The following BCL2 variants were observed in gnomAD, a reference collection of about 807,000 sequenced individuals.
BCL2 encodes the protein apoptosis regulator Bcl-2.
In BCL2, 1 loss-of-function variant was observed where a neutral mutation model predicts 14.2. The observed-to-expected ratio is 0.07, with a 90% CI of 0.02 to 0.33. The LOEUF (loss-of-function observed/expected upper bound fraction) is 0.33, where lower values mean the gene tolerates loss of function less well. BCL2 is among the 10% of genes least tolerant of loss of function. BCL2 has a pLI of 0.99. For missense variants in BCL2, 247 were observed against 305.9 expected (o/e 0.81, Z 1.44); for synonymous variants, 151 against 137.2 (o/e 1.10, Z -0.70).
intron 2 of BCL2, among the ~76,000 whole-genome samples, chr18:63,268,600 C>T (rs959604602): frequency 6.6e-6 from 1 of 152,190 alleles, no homozygotes; most frequent in African/African-American, 2.4e-5. Context: ...TAGTTCTGAG[C>T]AAGGGTTTAC....
At chr18:63,255,448 A>T (rs1911443609) in intron 2 of BCL2, among the ~76,000 whole-genome samples, 2 of 152,170 alleles carry the variant, frequency 1.3e-5, no homozygotes, top group Non-Finnish European at 2.9e-5. Context: ...GACTGTCTAC[A>T]CTTCTAATTG....
At chr18:63,211,725 C>G (rs1176407530) in intron 2 of BCL2, among the ~76,000 whole-genome samples, 1 of 152,168 alleles carries the variant, frequency 6.6e-6, no homozygotes, top group African/African-American at 2.4e-5. Flanking sequence ...ACAGCAAATA[C>G]CATTGGACTT....
intron 2 of BCL2, among the ~76,000 whole-genome samples, chr18:63,196,117 T>G (rs1909438096): frequency 6.6e-6 from 1 of 152,186 alleles, no homozygotes; most frequent in Admixed American, 6.5e-5. Flanking sequence ...CTTGGAGACC[T>G]AAGCTCCTTG....
At chr18:63,169,104 T>C (rs1915119805) in intron 2 of BCL2, among the ~76,000 whole-genome samples, 1 of 152,206 alleles carries the variant, frequency 6.6e-6, no homozygotes, top group African/African-American at 2.4e-5. Context: ...TTCCCAGCAC[T>C]ACAGGCACAG....
intron 2 of BCL2, among the ~76,000 whole-genome samples, chr18:63,281,666 CAGAAA>C (rs1912312654): frequency 1.1e-5 from 1 of 88,280 alleles, no homozygotes; most frequent in Non-Finnish European, 2.2e-5. Flanking sequence ...GACCTTGTCT[CAGAAA>C]GAAAGAAAGA....
chr18:63,209,550 C>G (rs73473319), intron 2 of BCL2, among the ~76,000 whole-genome samples: 9,167 of 152,082 alleles, frequency 0.06, 434 homozygotes, highest in African/African-American at 0.12. Context: ...TACACTGTAC[C>G]CAATACACTG....
intron 2 of BCL2, among the ~76,000 whole-genome samples, chr18:63,231,896 G>A (rs1352944033): frequency 6.6e-6 from 1 of 151,852 alleles, no homozygotes; most frequent in East Asian, 1.9e-4. Flanking sequence ...AATAATATGG[G>A]GACTTGTCCT....
At chr18:63,230,411 T>C (rs913655196) in intron 2 of BCL2, among the ~76,000 whole-genome samples, 2 of 152,120 alleles carry the variant, frequency 1.3e-5, no homozygotes, top group Admixed American at 6.5e-5. Context: ...AGGGCAACAA[T>C]GTAAACTCAA....
At chr18:63,295,724 T>G (rs113885940) in intron 2 of BCL2, among the ~76,000 whole-genome samples, 2,020 of 152,194 alleles carry the variant, frequency 0.013, 15 homozygotes, top group Non-Finnish European at 0.02. Context: ...TCTCTCTTCT[T>G]CCTTAGAACT....
intron 2 of BCL2, among the ~76,000 whole-genome samples, chr18:63,222,205 C>T (rs1300499110): frequency 7.1e-6 from 1 of 141,806 alleles, no homozygotes; most frequent in Non-Finnish European, 1.5e-5. Flanking sequence ...ACTTGGGAGG[C>T]AGAGGTTTCA....
rs768202274 is a variant in BCL2 at position 63,282,565 on chromosome 18, T to G, written c.585+35517A>C. Among the ~76,000 whole-genome samples, 7 of 152,188 alleles carry G rather than the reference T, an allele frequency of 4.6e-5. 1 individual carries two copies. In the South Asian group the frequency reaches 8.3e-4, roughly 18 times the overall value. ...AAAGCACGGCAATGGAATGAAAATC[T>G]TATTTTCAAGGTCAGCTTTAACAAG... is the stretch of plus-strand genomic sequence containing the variant. On this transcript the variant is annotated intron_variant, in intron 2 of 2. Coordinates refer to ENST00000333681, the MANE Select transcript of BCL2 (RefSeq NM_000633.3).
At chr18:63,217,609 C>T (rs980029635) in intron 2 of BCL2, among the ~76,000 whole-genome samples, 1 of 152,208 alleles carries the variant, frequency 6.6e-6, no homozygotes, top group African/African-American at 2.4e-5. Flanking sequence ...CGCCAAATGA[C>T]AGGCCTCCTC....
intron 2 of BCL2, among the ~76,000 whole-genome samples, chr18:63,294,814 T>C (rs1484259538): frequency 1.3e-5 from 2 of 151,770 alleles, no homozygotes; most frequent in East Asian, 1.9e-4. Flanking sequence ...ATGAGCAATG[T>C]TGGAGAATTA....
At chr18:63,156,691 T>G (rs1914791563) in intron 2 of BCL2, among the ~76,000 whole-genome samples, 1 of 152,130 alleles carries the variant, frequency 6.6e-6, no homozygotes, top group Non-Finnish European at 1.5e-5. Context: ...AGGAATCTCC[T>G]CCCAAGTCCA....
chr18:63,240,145 G>C (rs540391632), intron 2 of BCL2, among the ~76,000 whole-genome samples: 1 of 152,154 alleles, frequency 6.6e-6, no homozygotes, highest in East Asian at 1.9e-4. Flanking sequence ...GTGCCACCAC[G>C]TTTGGTTAAT....
intron 2 of BCL2, among the ~76,000 whole-genome samples, chr18:63,229,856 G>A (rs1396780609): frequency 6.6e-6 from 1 of 152,198 alleles, no homozygotes; most frequent in Non-Finnish European, 1.5e-5. Context: ...CCTCCTGCAA[G>A]GATGGGTGCC....
chr18:63,297,029 G>A (rs1403334927), intron 2 of BCL2, among the ~76,000 whole-genome samples: 8 of 152,120 alleles, frequency 5.3e-5, no homozygotes, highest in African/African-American at 9.7e-5. Context: ...TGGTTAACAC[G>A]GTGAAACCCT....
intron 2 of BCL2, among the ~76,000 whole-genome samples, chr18:63,269,140 G>A (rs1911927172): frequency 6.6e-6 from 1 of 151,772 alleles, no homozygotes; most frequent in South Asian, 2.1e-4. Context: ...ATTCTATAGA[G>A]ATGGGGTCTC....
chr18:63,252,169 C>T (rs115475666), intron 2 of BCL2, among the ~76,000 whole-genome samples: 3,452 of 152,176 alleles, frequency 0.023, 118 homozygotes, highest in African/African-American at 0.079. Context: ...AAAAAAGACA[C>T]CAATGAGATC....
Sources: allele counts gnomAD v4.1 joint callset (sites outside exome capture counted in the v4.1 genomes callset), GRCh38; gene constraint gnomAD v4.1.1; transcripts MANE v1.5; gene names NCBI Gene and HGNC (gene_info 2026-07-23, HGNC 2026-07-21).